NECTIN3: variants seen among roughly 807,000 people sequenced by gnomAD.
NECTIN3 encodes the protein nectin-3.
Under a neutral mutation model 49.4 loss-of-function variants are expected in NECTIN3, and 8 were observed. The ratio of observed to expected loss-of-function variants is 0.16; its 90% CI spans 0.10 to 0.29. NECTIN3 has a LOEUF of 0.29. Among genes scored for constraint, NECTIN3 ranks in the 10% least tolerant of loss-of-function variants. The probability of loss-of-function intolerance (pLI) is 1.00; values close to 1 mark genes in which losing one functional copy is unlikely to be tolerated. For missense variants in NECTIN3, 581 were observed against 654.6 expected, an observed-to-expected ratio of 0.89 and a Z score of 1.23; for synonymous variants, 277 against 241.1, an observed-to-expected ratio of 1.15 and a Z score of -1.38.
At chr3:111,164,475 A>G (rs960330716) in intron 7 of NECTIN3, among the ~76,000 whole-genome samples, 1 of 152,152 alleles carries the variant, frequency 6.6e-6, no homozygotes, top group East Asian at 1.9e-4. Context: ...CATATGTTAT[A>G]TATTTCCACA....
intron 7 of NECTIN3, among the ~76,000 whole-genome samples, chr3:111,185,841 G>C (rs2035710101): frequency 6.6e-6 from 1 of 152,114 alleles, no homozygotes; most frequent in East Asian, 1.9e-4. Context: ...CAATTCCCTG[G>C]TCAACAGTGG....
downstream of NECTIN3, among the ~76,000 whole-genome samples, chr3:111,141,348 A>G (rs2034740360): frequency 6.6e-6 from 1 of 151,958 alleles, no homozygotes; most frequent in Non-Finnish European, 1.5e-5. Context: ...AAGTTTTGTC[A>G]AAGGGCCTGA....
At chr3:111,145,340 G>T (rs1174727565) in intron 6 of NECTIN3, among the ~76,000 whole-genome samples, 1 of 152,120 alleles carries the variant, frequency 6.6e-6, no homozygotes, top group Admixed American at 6.5e-5. Context: ...AGAAATGTAA[G>T]CCTTTCATGA....
downstream of NECTIN3, among the ~76,000 whole-genome samples, chr3:111,138,859 A>G (rs2034668096): frequency 6.6e-6 from 1 of 151,666 alleles, no homozygotes; most frequent in Non-Finnish European, 1.5e-5. Flanking sequence ...TGCAAGTTGT[A>G]CAGTCTCAAT....
chr3:111,178,396 A>G (rs921894919), intron 7 of NECTIN3, among the ~76,000 whole-genome samples: 1 of 151,992 alleles, frequency 6.6e-6, no homozygotes, highest in Non-Finnish European at 1.5e-5. Flanking sequence ...GTACTGCACT[A>G]TATCACTCTG....
rs888607868 is a variant in NECTIN3, at chr3:111,077,481, A to G, written c.160+5304A>G. Among the ~76,000 whole-genome samples, 2 of 151,270 alleles carry G rather than the reference A, an allele frequency of 1.3e-5. 1 individual carries two copies. Reference sequence around the variant, plus strand: ...AGAAAAAGGGAGTGGGGCTGTAAATAGCTATTCTCAAATAGTTAGAGCCTG... The same window carrying G: ...AGAAAAAGGGAGTGGGGCTGTAAATGGCTATTCTCAAATAGTTAGAGCCTG... On this transcript the variant is annotated intron_variant, in intron 1 of 5. Transcript: ENST00000485303.
At chr3:111,152,642 G>C (rs1197396463) in intron 7 of NECTIN3, among the ~76,000 whole-genome samples, 1 of 151,808 alleles carries the variant, frequency 6.6e-6, no homozygotes, top group Non-Finnish European at 1.5e-5. Context: ...TATGTGCATT[G>C]CTCCATGGTA....
intron 5 of NECTIN3, among the ~76,000 whole-genome samples, chr3:111,127,091 G>A (rs1576138385): frequency 6.6e-6 from 1 of 152,260 alleles, no homozygotes; most frequent in East Asian, 1.9e-4. Flanking sequence ...CAAGAATGTA[G>A]CAATCTTCCT....
chr3:111,130,716 G>GT, intron 5 of NECTIN3, among the ~76,000 whole-genome samples: 1 of 152,010 alleles, frequency 6.6e-6, no homozygotes, highest in Admixed American at 6.6e-5. Context: ...TGGATAACAG[G>GT]TTTTTGATTT....
At chr3:111,098,020 A>C (rs150049549) in intron 1 of NECTIN3, among the ~76,000 whole-genome samples, 4 of 152,350 alleles carry the variant, frequency 2.6e-5, no homozygotes, top group Admixed American at 6.5e-5. Context: ...GATCAATTTG[A>C]AAACCACTTT....
chr3:111,099,713 T>C (rs960946310), intron 1 of NECTIN3, among the ~76,000 whole-genome samples: 5 of 152,308 alleles, frequency 3.3e-5, no homozygotes, highest in East Asian at 1.9e-4. Flanking sequence ...TATGGATCAG[T>C]CTGGCTCTAT....
Position 111,133,952 on chromosome 3 carries a change from C to T in NECTIN3, c.1387C>T (p.Leu463Phe), listed in dbSNP as rs2034485501. ...SQIDVLQQDE[L>F]DSYPDSVKKE... is the part of the protein sequence containing the mutation. ...AATAGATGTTCTTCAACAAGATGAG[C>T]TTGATTCTTACCCAGACAGTGTAAA... The change falls in exon 6 of 6, where the codon CTT (leucine) becomes TTT (phenylalanine). Residue 463 changes from leucine (L) to phenylalanine (F), a missense_variant. Physicochemically the swap from Leu to Phe is conservative, Grantham distance 22. Transcript: ENST00000485303. 1 of 1,613,744 alleles carries T rather than the reference C, an allele frequency of 6.2e-7. No homozygotes were observed. Among genetic ancestry groups the T allele is most frequent in the East Asian group, 2.2e-5 (1 of 44,870 alleles).
At chr3:111,118,979 T>A in intron 3 of NECTIN3, 27 bp downstream of exon 3, 1 of 1,519,566 alleles carries the variant, frequency 6.6e-7, no homozygotes, top group Non-Finnish European at 8.9e-7. Context: ...ATTTACTTTT[T>A]AAATATTTGT....
chr3:111,124,492 A>G (rs2034081099), intron 4 of NECTIN3, among the ~76,000 whole-genome samples: 2 of 152,202 alleles, frequency 1.3e-5, no homozygotes, highest in Non-Finnish European at 2.9e-5. Flanking sequence ...TAAGACATAT[A>G]TAGTTTATTT....
intron 2 of NECTIN3, among the ~76,000 whole-genome samples, chr3:111,114,984 T>C (rs1255683003): frequency 6.6e-6 from 1 of 152,202 alleles, no homozygotes; most frequent in Non-Finnish European, 1.5e-5. Flanking sequence ...CGCAGAATAC[T>C]ACGGGACCAC....
rs551727278 is a variant in NECTIN3, at chr3:111,137,371, G to A, written c.*3156G>A. ...AAACAGCTCCTTTCTCAAATTTTTT[G>A]TATATTGTGTTTGTGTTTGGGTTTT... is the stretch of plus-strand genomic sequence containing the variant. On this transcript the variant is annotated 3_prime_UTR_variant, in exon 6 of 6. Transcript: ENST00000485303. The A allele has an allele frequency of 1.0e-6, 1 of 964,660 alleles. No homozygotes were observed. The highest frequency in any genetic ancestry group is 1.8e-5 in the African/African-American group (1 of 56,448). The allele number at this position is 964,660 out of a possible 1,614,324, so 59.8% of individuals were successfully genotyped here. A position where few individuals can be genotyped will look rare whatever the true frequency, so the allele number is the denominator to read the frequency against.
intron 1 of NECTIN3, chr3:111,072,593 G>T: frequency 6.5e-7 from 1 of 1,532,052 alleles, no homozygotes; most frequent in Non-Finnish European, 8.7e-7. Context: ...CCTAGGGACC[G>T]GAGCCCGATG....
intron 1 of NECTIN3, among the ~76,000 whole-genome samples, chr3:111,081,861 C>G (rs1241585055): frequency 1.3e-5 from 2 of 152,270 alleles, no homozygotes; most frequent in South Asian, 4.1e-4. Flanking sequence ...TTTTTAAATA[C>G]TTTGCTGAGG....
Position 111,155,327 on chromosome 3 carries a change from C to T in NECTIN3, c.1221+7843C>T, listed in dbSNP as rs577254935. ...CATGCTTTTATCTCTGGAATGGGGG[C>T]GTGGAGGATCTATTTTTCTTAGTTG... On this transcript the variant is annotated intron_variant, in intron 7 of 8. Transcript: ENST00000493615. 2.6e-5 allele frequency among the ~76,000 whole-genome samples: 4 copies of T among 152,180 alleles called. No individual in the cohort carries two copies. The South Asian group carries it at 8.3e-4, about 32-fold the overall frequency.
Sources: gnomAD v4.1 joint callset for allele counts (sites outside exome capture counted in the v4.1 genomes callset) on GRCh38, gnomAD v4.1.1 for gene constraint, MANE v1.5 for transcripts, NCBI Gene and HGNC (gene_info 2026-07-23, HGNC 2026-07-21) for gene names.